The following FRY variants were observed in gnomAD, a reference collection of about 807,000 sequenced individuals.
FRY encodes protein furry homolog.
Under a neutral mutation model 348.4 loss-of-function variants are expected in FRY, and 128 were observed. That is an observed-to-expected ratio of 0.37 (90% confidence interval 0.32 to 0.43). The LOEUF (loss-of-function observed/expected upper bound fraction) is 0.43, where lower values mean the gene tolerates loss of function less well. Among genes scored for constraint, FRY ranks in the 20% least tolerant of loss-of-function variants. The probability of loss-of-function intolerance (pLI) is 1.00; values close to 1 mark genes in which losing one functional copy is unlikely to be tolerated. For synonymous variants in FRY, 1,370 were observed against 1,374.7 expected (o/e 1.00, Z 0.08); for missense variants, 2,736 against 3,695.2 (o/e 0.74, Z 6.73).
intron 17 of FRY, among the ~76,000 whole-genome samples, chr13:32,164,847 T>TA (rs1451783004): frequency 2.0e-5 from 3 of 152,202 alleles, no homozygotes; most frequent in Non-Finnish European, 1.5e-5. Context: ...TCCTGCTCTG[T>TA]CATTTGACCA....
chr13:32,211,330 G>T (rs376504838), intron 34 of FRY, among the ~76,000 whole-genome samples: 1 of 152,154 alleles, frequency 6.6e-6, no homozygotes, highest in South Asian at 2.1e-4. Context: ...GTGGTGGCAC[G>T]CGCCAGTACT....
chr13:32,144,162 T>C (rs1307769628), intron 11 of FRY, among the ~76,000 whole-genome samples: 1 of 146,354 alleles, frequency 6.8e-6, no homozygotes, highest in African/African-American at 2.5e-5. Flanking sequence ...TTTAAGTAAC[T>C]AAAACATTTG....
chr13:32,248,554 G>T (rs1290483455), intron 48 of FRY, among the ~76,000 whole-genome samples: 1 of 151,926 alleles, frequency 6.6e-6, no homozygotes, highest in Non-Finnish European at 1.5e-5. Flanking sequence ...AATAAACCTG[G>T]TGTGCTTATA....
Position 32,057,817 on chromosome 13 carries a change from G to A in FRY, c.71-21017G>A, listed in dbSNP as rs532555491. 3.9e-5 allele frequency among the ~76,000 whole-genome samples: 6 copies of A among 152,178 alleles called. No homozygotes were observed. In the South Asian group the frequency reaches 1.2e-3, roughly 32 times the overall value. On this transcript the variant is annotated intron_variant, in intron 1 of 60. Coordinates refer to ENST00000542859, the MANE Select transcript of FRY (RefSeq NM_023037.3). ...TACTAAAAAATACAAAAAATTAGCC[G>A]AGTGTGGTGGCGGGCACCTGTAGTC...
rs146859067 is a variant in FRY, at chr13:32,054,649, G to A, written c.70+22784G>A. Reference sequence around the variant, plus strand: ...AGCACTTTGGGAGGCCGAGGCAGGCGGATCACAAGGTCAGGAGATCAAGAC... The same window carrying A: ...AGCACTTTGGGAGGCCGAGGCAGGCAGATCACAAGGTCAGGAGATCAAGAC... On this transcript the variant is annotated intron_variant, in intron 1 of 60. Coordinates refer to ENST00000542859, the MANE Select transcript of FRY (RefSeq NM_023037.3). Among the ~76,000 whole-genome samples the A allele has an allele frequency of 3.1e-3, 465 of 152,114 alleles. 1 individual carries two copies. The highest frequency in any genetic ancestry group is 0.01 in the African/African-American group (431 of 41,500).
rs778572084 is a variant in FRY at position 32,236,128 on chromosome 13, G to T, written c.5766G>T (p.Leu1922Phe). The change falls in exon 43 of 61, where the codon TTG becomes TTT. Residue 1922 changes from leucine to phenylalanine, a missense_variant. Around this residue, in one of 9 missense-constraint regions of FRY, gnomAD observed 794 missense variants for 977.0 expected, o/e 0.81. Transcript: ENST00000542859. Reference protein sequence around the residue: ...LLTLEAAVDNLSDCLKNSDLL... With the variant: ...LLTLEAAVDNFSDCLKNSDLL... ...CCTTGGAGGCGGCTGTGGATAACTT[G>T]TCTGACTGCTTGAAGAACAGTGACC... is the stretch of plus-strand genomic sequence containing the variant. 2 of 1,613,996 alleles carry T rather than the reference G, an allele frequency of 1.2e-6. No homozygotes were observed. Among genetic ancestry groups the T allele is most frequent in the East Asian group, 2.2e-5 (1 of 44,874 alleles).
At chr13:32,101,108 C>T (rs1877136446) in intron 2 of FRY, among the ~76,000 whole-genome samples, 1 of 152,178 alleles carries the variant, frequency 6.6e-6, no homozygotes, top group African/African-American at 2.4e-5. Flanking sequence ...CAACATCTTC[C>T]ATTTCCTCTC....
At chr13:32,130,452 T>TTGTGTGTGTGTGTGTGTGTGTGTGTGTG (rs58000380) in intron 7 of FRY, among the ~76,000 whole-genome samples, 8 of 141,990 alleles carry the variant, frequency 5.6e-5, no homozygotes, top group African/African-American at 1.3e-4. Flanking sequence ...TGGAAAGTGT[T>TTGTGTGTGTGTGTGTGTGTGTGTGTGTG]TGTGTGTGTG....
Position 32,295,307 on chromosome 13 carries a change from T to C in FRY, c.8889T>C (p.Tyr2963=), listed in dbSNP as rs1889577271. 5 of 1,614,046 alleles carry C rather than the reference T, an allele frequency of 3.1e-6. No individual in the cohort carries two copies. The highest frequency in any genetic ancestry group is 4.2e-6 in the Non-Finnish European group (5 of 1,179,938). The change falls in exon 61 of 61, where the codon TAT becomes TAC. Residue 2963 remains tyrosine, a synonymous_variant. Coordinates refer to ENST00000542859, the MANE Select transcript of FRY (RefSeq NM_023037.3). The stretch of plus-strand genomic sequence containing the variant: ...AAACTCTGGGACAGACGGGTACTTA[T>C]GCCCTGGTGGGGTCTAACCAGAGCC... ...RHQTLGQTGT[Y]ALVGSNQSLT...
intron 5 of FRY, 36 bp from the exon 6 acceptor site, chr13:32,124,566 T>G (rs777097853): frequency 1.6e-6 from 2 of 1,223,290 alleles, no homozygotes; most frequent in Non-Finnish European, 2.4e-6. Flanking sequence ...TTCTTTAATA[T>G]TCCCTTCTGA....
At position 32,052,524 on chromosome 13, in the gene FRY, C is replaced by T. The variant is rs376270081; in HGVS notation, c.70+20659C>T. Among the ~76,000 whole-genome samples the T allele has an allele frequency of 9.9e-5, 15 of 152,200 alleles. No homozygotes were observed. The South Asian group carries it at 1.5e-3, about 15-fold the overall frequency. ...TTTTCATAATTTATTTTATCTAATT[C>T]AATATATCTAAAATGTTATTTCAAC... On this transcript the variant is annotated intron_variant, in intron 1 of 60. Transcript: ENST00000542859.
At chr13:32,267,089 T>C in intron 54 of FRY, 81 bp from the exon 55 acceptor site, 1 of 1,320,846 alleles carries the variant, frequency 7.6e-7, no homozygotes, top group South Asian at 1.2e-5. Flanking sequence ...TTTTGCTGAC[T>C]CTCAGGGTGA....
At chr13:32,204,941 TGC>T (rs1566131473) in intron 31 of FRY, among the ~76,000 whole-genome samples, 5 of 152,184 alleles carry the variant, frequency 3.3e-5, no homozygotes, top group African/African-American at 4.8e-5. Context: ...CAGTGGCTTA[TGC>T]CTGTATCCCA....
chr13:32,090,102 A>G (rs1344278413), intron 2 of FRY, among the ~76,000 whole-genome samples: 8 of 151,996 alleles, frequency 5.3e-5, no homozygotes, highest in Non-Finnish European at 5.9e-5. Context: ...TAATCCCAGC[A>G]CTTTGGGAGG....
intron 26 of FRY, among the ~76,000 whole-genome samples, chr13:32,185,981 T>C (rs1883002860): frequency 6.6e-6 from 1 of 152,208 alleles, no homozygotes; most frequent in African/African-American, 2.4e-5. Context: ...TGTTGCAGTT[T>C]TCCCAGGTAT....
intron 10 of FRY, 50 bp from the exon 11 acceptor site, chr13:32,136,821 G>A: frequency 9.7e-7 from 1 of 1,028,526 alleles, no homozygotes; most frequent in Non-Finnish European, 1.6e-6. Context: ...TATGTTACCT[G>A]GTTTGTTGAA....
chr13:32,142,067 A>G (rs141478790), intron 11 of FRY, among the ~76,000 whole-genome samples: 1 of 152,302 alleles, frequency 6.6e-6, no homozygotes, highest in East Asian at 1.9e-4. Flanking sequence ...TTTGAGACAT[A>G]TGCTGAAATG....
chr13:32,111,265 C>T (rs1877938351), intron 3 of FRY, among the ~76,000 whole-genome samples: 1 of 151,844 alleles, frequency 6.6e-6, no homozygotes, highest in African/African-American at 2.4e-5. Context: ...AGGCAGGTGG[C>T]TCATTTGAGG....
At chr13:32,245,729 G>GAGTAGTGCAGGGCCGCCATGGA (rs1392784943) in intron 47 of FRY, among the ~76,000 whole-genome samples, 52 of 152,300 alleles carry the variant, frequency 3.4e-4, no homozygotes, top group Non-Finnish European at 6.9e-4. Flanking sequence ...CAGGCCATGG[G>GAGTAGTGCAGGGCCGCCATGGA]AGTAGTGCAG....
Sources: allele counts gnomAD v4.1 joint callset (sites outside exome capture counted in the v4.1 genomes callset), GRCh38; gene constraint gnomAD v4.1.1; regional missense constraint gnomAD v4.1.1; transcripts MANE v1.5; gene names NCBI Gene and HGNC (gene_info 2026-07-23, HGNC 2026-07-21).